WASHC5: variants seen among roughly 807,000 people sequenced by gnomAD.
WASHC5 encodes the protein WASH complex subunit strumpellin.
In WASHC5, 101 loss-of-function variants were observed where a neutral mutation model predicts 150.4. That is an observed-to-expected ratio of 0.67 (90% CI 0.57 to 0.79). WASHC5 has a LOEUF of 0.79. Ranked by LOEUF, WASHC5 falls within the 30% of genes least tolerant of loss-of-function variation. WASHC5 has a pLI of 0.00. For missense variants in WASHC5, 1,195 were observed against 1,396.3 expected (o/e 0.86, Z 2.30); for synonymous variants, 467 against 491.2 (o/e 0.95, Z 0.65).
chr8:125,078,564 C>A (rs1196049361), intron 6 of WASHC5, among the ~76,000 whole-genome samples, 174 bp downstream of exon 6: 3 of 152,142 alleles, frequency 2.0e-5, no homozygotes, highest in Admixed American at 6.5e-5. Context: ...ATGATTCTGG[C>A]AAAATTAATA....
chr8:125,024,504 G>T lies in WASHC5; in HGVS notation c.*113C>A. 1 of 792,364 alleles carries T rather than the reference G, an allele frequency of 1.3e-6. No individual in the cohort carries two copies. Among genetic ancestry groups the T allele is most frequent in the South Asian group, 1.4e-5 (1 of 71,576 alleles). The allele number at this position is 792,364 out of a possible 1,614,324, so 49.1% of individuals were successfully genotyped here. ...AGAACGTCTGATGTTTCCCATAATA[G>T]ACAGAAAAAATGCAGTTGTATGAGC... is the stretch of plus-strand genomic sequence containing the variant. On this transcript the variant is annotated 3_prime_UTR_variant, in exon 29 of 29. Transcript: ENST00000318410.
intron 8 of WASHC5, among the ~76,000 whole-genome samples, chr8:125,074,415 C>A (rs571610036): frequency 3.3e-5 from 5 of 152,146 alleles, no homozygotes; most frequent in Admixed American, 6.5e-5. Flanking sequence ...GGATGAGGAA[C>A]ATAACCATTT....
chr8:125,039,483 GGT>G (rs1287205460), intron 24 of WASHC5, among the ~76,000 whole-genome samples: 1 of 152,112 alleles, frequency 6.6e-6, no homozygotes, highest in Non-Finnish European at 1.5e-5. Context: ...AGCAGTGTCT[GGT>G]GTGTCTCTCA....
At chr8:125,044,361 C>A in intron 21 of WASHC5, 175 bp downstream of exon 21, 1 of 752,740 alleles carries the variant, frequency 1.3e-6, no homozygotes, top group Non-Finnish European at 2.3e-6. Flanking sequence ...ACTATGCTGG[C>A]CAAACAAATT....
At chr8:125,051,132 G>C (rs1396893838) in intron 17 of WASHC5, among the ~76,000 whole-genome samples, 3 of 152,026 alleles carry the variant, frequency 2.0e-5, no homozygotes, top group Non-Finnish European at 4.4e-5. Context: ...TTTGAGGTCG[G>C]GCCACTCTGT....
chr8:125,048,988 T>A lies in WASHC5; in HGVS notation c.2379+18A>T. On this transcript the variant is annotated intron_variant, in intron 19 of 28. Coordinates refer to ENST00000318410, the MANE Select transcript of WASHC5 (RefSeq NM_014846.4). ...GAAATAACAAATATAGTCAAGAATT[T>A]TAAAATTTATTAGATACCTTCGTTC... is the stretch of plus-strand genomic sequence containing the variant. The A allele has an allele frequency of 1.3e-6, 2 of 1,589,442 alleles. No individual in the cohort carries two copies. The highest frequency in any genetic ancestry group is 2.3e-5 in the South Asian group (2 of 88,650).
At chr8:125,076,744 T>TAAAAAAAAAAAAAAAAA (rs59580091) in intron 6 of WASHC5, among the ~76,000 whole-genome samples, 7 of 132,250 alleles carry the variant, frequency 5.3e-5, no homozygotes, top group South Asian at 5.1e-4. Context: ...AGTCTTTTCT[T>TAAAAAAAAAAAAAAAAA]AAAAAAAAAA....
Position 125,067,714 on chromosome 8 carries a change from C to A in WASHC5, c.1156G>T (p.Asp386Tyr). The stretch of plus-strand genomic sequence containing the variant: ...TGACGAAGGCGTTTGTTGTTTGGGT[C>A]ACAGGCTAGAAACAGGAAAAGTGTT... ...LMLHTADSACDPNNKRLRQIK... is the reference protein window; with the variant it reads ...LMLHTADSACYPNNKRLRQIK... Residue 386 changes from aspartate (D) to tyrosine (Y), a missense_variant, in exon 10 of 29, where the codon GAC (aspartate) becomes TAC (tyrosine). By Grantham distance (160) the Asp-to-Tyr change is radical. This residue lies in a region of WASHC5 where 997 missense variants were observed against 1,168.1 expected (regional missense o/e 0.85). Transcript: ENST00000318410. The A allele has an allele frequency of 1.2e-6, 2 of 1,613,514 alleles. No individual in the cohort carries two copies. Among genetic ancestry groups the A allele is most frequent in the South Asian group, 2.2e-5 (2 of 90,994 alleles).
At chr8:125,036,726 C>T (rs1815718883) in intron 26 of WASHC5, among the ~76,000 whole-genome samples, 1 of 151,824 alleles carries the variant, frequency 6.6e-6, no homozygotes, top group Admixed American at 6.6e-5. Context: ...AAAAATAAAT[C>T]CGGCCAGGTG....
intron 4 of WASHC5, among the ~76,000 whole-genome samples, chr8:125,082,181 A>G (rs530916579): frequency 6.6e-6 from 1 of 152,378 alleles, no homozygotes; most frequent in South Asian, 2.1e-4. Context: ...TAACTTCCAC[A>G]TAACTTTTAA....
rs776659440 is a variant in WASHC5 at position 125,024,630 on chromosome 8, C to G, written c.3467G>C (p.Arg1156Thr). The change falls in exon 29 of 29, where the codon AGA (arginine) becomes ACA (threonine). Residue 1156 changes from arginine to threonine, a missense_variant. Physicochemically the swap from Arg to Thr is moderately conservative, Grantham distance 71 (BLOSUM62 -1). Around this residue, in one of 3 missense-constraint regions of WASHC5, gnomAD observed 997 missense variants for 1,168.1 expected, o/e 0.85. Coordinates refer to ENST00000318410, the MANE Select transcript of WASHC5 (RefSeq NM_014846.4). ...TAGGAAAAACAGTTACAGCACTGTT[C>G]TGAACTCATCAAAAATGAAATTAGG... The part of the protein sequence containing the change: ...HVPNFIFDEF[R>T]TVL The G allele has an allele frequency of 1.9e-5, 31 of 1,609,790 alleles. No homozygotes were observed. The highest frequency in any genetic ancestry group is 2.7e-5 in the African/African-American group (2 of 74,790).
intron 28 of WASHC5, among the ~76,000 whole-genome samples, chr8:125,025,273 TA>T (rs1190174899): frequency 6.6e-6 from 1 of 152,108 alleles, no homozygotes; most frequent in Non-Finnish European, 1.5e-5. Context: ...TTTCTGATCA[TA>T]AAGGTATAAC....
At chr8:125,087,415 G>C (rs1006641020) in intron 1 of WASHC5, among the ~76,000 whole-genome samples, 1 of 152,144 alleles carries the variant, frequency 6.6e-6, no homozygotes, top group Non-Finnish European at 1.5e-5. Context: ...ACAACAAGTA[G>C]GTGAGGGAAC....
rs1329046495 is a variant in WASHC5, at chr8:125,038,976, C to G, written c.2955-17G>C. ...AGGAGAGCCCTAAAGGAAGAAAAAC[C>G]CTGGAGATAAACATTAGTGAGTAAA... On this transcript the variant is annotated splice_polypyrimidine_tract_variant and intron_variant, in intron 24 of 28. Coordinates refer to ENST00000318410, the MANE Select transcript of WASHC5 (RefSeq NM_014846.4). 2.5e-6 allele frequency: 4 copies of G among 1,612,368 alleles called. No individual in the cohort carries two copies.
intron 7 of WASHC5, 115 bp from the exon 8 acceptor site, chr8:125,075,226 A>G: frequency 1.4e-6 from 1 of 733,874 alleles, no homozygotes; most frequent in Non-Finnish European, 2.5e-6. Flanking sequence ...CATTCCAATG[A>G]AAAACCAAGA....
chr8:125,079,582 ATT>A (rs1051578325), intron 5 of WASHC5, among the ~76,000 whole-genome samples: 1 of 152,028 alleles, frequency 6.6e-6, no homozygotes. Context: ...TTAGGAGTGG[ATT>A]TGTTTCGGAA....
At chr8:125,079,116 G>GTGTATATATATATATATATA (rs370503575) in intron 5 of WASHC5, among the ~76,000 whole-genome samples, 186 bp from the exon 6 acceptor site, 18 of 97,904 alleles carry the variant, frequency 1.8e-4, no homozygotes, top group African/African-American at 5.1e-4. Context: ...GTGTGTGTGT[G>GTGTATATATATATATATATA]TATATATATA....
intron 9 of WASHC5, among the ~76,000 whole-genome samples, chr8:125,070,982 T>C (rs76041118): frequency 0.026 from 3,997 of 152,300 alleles, 182 homozygotes; most frequent in African/African-American, 0.092. Flanking sequence ...CTGGAAGAGC[T>C]GTGAGACAGG....
chr8:125,049,396 T>TAA (rs112140506), intron 18 of WASHC5, among the ~76,000 whole-genome samples: 2 of 150,400 alleles, frequency 1.3e-5, no homozygotes, highest in Non-Finnish European at 2.9e-5. Flanking sequence ...CTGACTCTAC[T>TAA]AAAAAAATAT....
Sources: allele counts gnomAD v4.1 joint callset (sites outside exome capture counted in the v4.1 genomes callset), GRCh38; gene constraint gnomAD v4.1.1; regional missense constraint gnomAD v4.1.1; transcripts MANE v1.5; gene names NCBI Gene and HGNC (gene_info 2026-07-23, HGNC 2026-07-21).